The following NTRK1 variants were observed in gnomAD, a reference collection of about 807,000 sequenced individuals.
NTRK1 encodes the protein high affinity nerve growth factor receptor.
In NTRK1, 62 loss-of-function variants were observed where a neutral mutation model predicts 86.8. The ratio of observed to expected loss-of-function variants is 0.71; its 90% CI spans 0.58 to 0.88. NTRK1 has a LOEUF of 0.88. NTRK1 is among the 40% of genes least tolerant of loss of function. The probability of loss-of-function intolerance (pLI) is 0.00; values close to 1 mark genes in which losing one functional copy is unlikely to be tolerated. For missense variants in NTRK1, 967 were observed against 1,078.4 expected (o/e 0.90, Z 1.45); for synonymous variants, 469 against 456.6 (o/e 1.03, Z -0.35).
intron 2 of NTRK1, among the ~76,000 whole-genome samples, chr1:156,852,411 G>A (rs1655258274): frequency 6.6e-6 from 1 of 152,068 alleles, no homozygotes; most frequent in Non-Finnish European, 1.5e-5. Context: ...ACAGTGCCTA[G>A]TCGGGGGTGT....
chr1:156,873,367 G>T (rs1647681036), intron 7 of NTRK1, among the ~76,000 whole-genome samples: 1 of 152,020 alleles, frequency 6.6e-6, no homozygotes, highest in Non-Finnish European at 1.5e-5. Context: ...ACTCCTGTGG[G>T]GCTGTGACTT....
chr1:156,876,987 T>C (rs1647962493), intron 14 of NTRK1, among the ~76,000 whole-genome samples: 1 of 152,206 alleles, frequency 6.6e-6, no homozygotes, highest in South Asian at 2.1e-4. Flanking sequence ...TACTTTATAA[T>C]TTATTATTTT....
At chr1:156,843,617 G>A (rs1172184657) in intron 2 of NTRK1, 2 of 885,820 alleles carry the variant, frequency 2.3e-6, no homozygotes, top group East Asian at 4.9e-5. Flanking sequence ...GTGACTCCTG[G>A]GGATCCCTAA....
intron 2 of NTRK1, chr1:156,844,911 T>C: frequency 7.5e-6 from 12 of 1,597,394 alleles, no homozygotes; most frequent in Non-Finnish European, 9.4e-6. Flanking sequence ...AAACCCAAGC[T>C]AAACTGGGCT....
At chr1:156,837,491 G>T (rs1215816854) in intron 1 of NTRK1, among the ~76,000 whole-genome samples, 1 of 152,252 alleles carries the variant, frequency 6.6e-6, no homozygotes, top group Non-Finnish European at 1.5e-5. Flanking sequence ...ATGACCAGGA[G>T]ATGAGCCAGG....
upstream of NTRK1, among the ~76,000 whole-genome samples, chr1:156,859,721 C>A (rs527761975): frequency 6.6e-6 from 1 of 152,290 alleles, no homozygotes; most frequent in South Asian, 2.1e-4. The surrounding 1 kb of genome is among the most constrained non-coding windows in gnomAD (Gnocchi z 6.2). Context: ...GTGTCCCTGT[C>A]TCGGGGACTT....
chr1:156,872,497 T>C (rs1647619126), intron 7 of NTRK1, among the ~76,000 whole-genome samples: 1 of 150,012 alleles, frequency 6.7e-6, no homozygotes, highest in Non-Finnish European at 1.5e-5. Flanking sequence ...TCATTCAACA[T>C]TATATTTATA....
chr1:156,851,179 C>A, intron 2 of NTRK1: 1 of 1,185,518 alleles, frequency 8.4e-7, no homozygotes, highest in Non-Finnish European at 1.3e-6. Flanking sequence ...TAGAGTCACA[C>A]GCCTAGTGAG....
chr1:156,868,225 G>A lies in NTRK1; in HGVS notation c.550G>A (p.Ala184Thr). Residue 184 changes from alanine (A) to threonine (T), a missense_variant, in exon 5 of 17, where the codon GCC becomes ACC. By Grantham distance (58) the Ala-to-Thr change is moderately conservative. Around this residue, in one of 2 missense-constraint regions of NTRK1, gnomAD observed 330 missense variants for 302.0 expected, o/e 1.09. Coordinates refer to ENST00000524377, the MANE Select transcript of NTRK1 (RefSeq NM_002529.4). Reference protein sequence around the residue: ...KLQCHGQGPLAHMPNASCGVP... With the variant: ...KLQCHGQGPLTHMPNASCGVP... ...GCAGTGTCATGGGCAAGGGCCCCTG[G>A]CCCACATGCCCAATGCCAGCTGTGG... is the stretch of plus-strand genomic sequence containing the variant. The A allele has an allele frequency of 6.2e-7, 1 of 1,611,420 alleles. No individual in the cohort carries two copies. Among genetic ancestry groups the A allele is most frequent in the Non-Finnish European group, 8.5e-7 (1 of 1,180,018 alleles).
At position 156,816,695 on chromosome 1, in the gene NTRK1, A is replaced by T. The variant is rs142614264; in HGVS notation, c.-64+857A>T. 3,623 of 1,601,276 alleles carry T rather than the reference A, an allele frequency of 2.3e-3. 10 individuals carry two copies. Among genetic ancestry groups the T allele is most frequent in the Admixed American group, 3.7e-3 (215 of 58,860 alleles). ...CTTACCTTGGGGACATATCTGGGCC[A>T]GGGGGAACTCCATGAGGGCAGCCTC... On this transcript the variant is annotated intron_variant, in intron 1 of 16. Coordinates refer to the NTRK1 transcript ENST00000392302.
At chr1:156,873,991 T>C (rs1647736597) in intron 8 of NTRK1, 32 bp downstream of exon 8, 2 of 1,542,036 alleles carry the variant, frequency 1.3e-6, no homozygotes, top group Admixed American at 2.0e-5. Flanking sequence ...CTGCCCCCAC[T>C]CCTGGGCTCC....
chr1:156,873,927 C>T lies in NTRK1; in HGVS notation c.1145C>T (p.Pro382Leu). The change falls in exon 8 of 17, where the codon CCT (proline) becomes CTT (leucine). Residue 382 changes from proline (P) to leucine (L), a missense_variant. By Grantham distance (98) the Pro-to-Leu change is moderately conservative. Coordinates refer to ENST00000524377, the MANE Select transcript of NTRK1 (RefSeq NM_002529.4). ...ATCATGGCTGCCTTCATGGACAACCCTTTCGAGTTCAACCCCGAGGACCCC... is the reference window on the plus strand; with the variant it reads ...ATCATGGCTGCCTTCATGGACAACCTTTTCGAGTTCAACCCCGAGGACCCC... Reference protein sequence around the residue: ...ASIMAAFMDNPFEFNPEDPIP... With the variant: ...ASIMAAFMDNLFEFNPEDPIP... 2 of 1,558,848 alleles carry T rather than the reference C, an allele frequency of 1.3e-6. No individual in the cohort carries two copies. Among genetic ancestry groups the T allele is most frequent in the South Asian group, 2.4e-5 (2 of 84,800 alleles).
At chr1:156,827,821 G>A (rs1187001111) in intron 1 of NTRK1, among the ~76,000 whole-genome samples, 2 of 152,170 alleles carry the variant, frequency 1.3e-5, no homozygotes, top group African/African-American at 4.8e-5. Context: ...CTTTTCTTCC[G>A]TGGGTCTGCC....
chr1:156,834,055 A>G (rs1273615878), intron 1 of NTRK1, among the ~76,000 whole-genome samples: 1 of 152,092 alleles, frequency 6.6e-6, no homozygotes, highest in Non-Finnish European at 1.5e-5. Flanking sequence ...AATCCCTTAT[A>G]TTCAATTATC....
In NTRK1 at chr1:156,861,117, C is replaced by A; in HGVS notation, c.183C>A (p.His61Gln). Residue 61 changes from histidine to glutamine, a missense_variant, in exon 1 of 17, where the codon CAC becomes CAA. Coordinates refer to ENST00000524377, the MANE Select transcript of NTRK1 (RefSeq NM_002529.4). ...ATGGGGCCCTGGATAGCCTCCACCA[C>A]CTGCCCGGCGCAGAGAACCTGACTG... ...TRDGALDSLHHLPGAENLTEL... is the reference protein window; with the variant it reads ...TRDGALDSLHQLPGAENLTEL... The A allele has an allele frequency of 6.3e-7, 1 of 1,582,706 alleles. No individual in the cohort carries two copies. The highest frequency in any genetic ancestry group is 8.6e-7 in the Non-Finnish European group (1 of 1,168,282).
At chr1:156,865,050 C>T (rs975297329) in intron 3 of NTRK1, 2 of 562,642 alleles carry the variant, frequency 3.6e-6, no homozygotes, top group South Asian at 1.9e-5. Flanking sequence ...CTCATAGGTG[C>T]CTGCCCTATC....
At chr1:156,842,130 A>G (rs767907631) in exon 2 of NTRK1, 1 of 1,613,826 alleles carries the variant, frequency 6.2e-7, no homozygotes, top group Non-Finnish European at 8.5e-7. Flanking sequence ...TTGACGGTGA[A>G]GTCCTGGGAC....
upstream of NTRK1, among the ~76,000 whole-genome samples, chr1:156,860,186 CT>C (rs1655565111): frequency 6.6e-6 from 1 of 152,210 alleles, no homozygotes; most frequent in African/African-American, 2.4e-5. Flanking sequence ...GCGTTGCTCA[CT>C]GGGGGCTGCA....
At chr1:156,872,317 C>T (rs1374625949) in intron 7 of NTRK1, among the ~76,000 whole-genome samples, 2 of 152,192 alleles carry the variant, frequency 1.3e-5, no homozygotes, top group Non-Finnish European at 2.9e-5. Context: ...TTCGCAATCC[C>T]ATCCCACTCT....
Sources: allele counts gnomAD v4.1 joint callset (sites outside exome capture counted in the v4.1 genomes callset), GRCh38; gene constraint gnomAD v4.1.1; regional missense constraint gnomAD v4.1.1; non-coding constraint Gnocchi (gnomAD v3.1); transcripts MANE v1.5; gene names NCBI Gene and HGNC (gene_info 2026-07-23, HGNC 2026-07-21).